The following PSG6 variants were observed in gnomAD, a reference collection of about 807,000 sequenced individuals.
PSG6 encodes the protein pregnancy specific beta-1-glycoprotein 6.
Under a neutral mutation model 43.3 loss-of-function variants are expected in PSG6, and 51 were observed. The observed-to-expected ratio is 1.18, with a 90% CI of 0.94 to 1.49. The LOEUF (loss-of-function observed/expected upper bound fraction) is 1.49, where lower values mean the gene tolerates loss of function less well. PSG6 is among the 40% of genes most tolerant of loss of function. The pLI is 0.00. For synonymous variants in PSG6, 292 were observed against 197.6 expected (o/e 1.48, Z -4.01); for missense variants, 770 against 522.2 (o/e 1.47, Z -4.62).
intron 2 of PSG6, chr19:42,915,502 A>C (rs1437979635): frequency 6.5e-6 from 1 of 154,388 alleles, no homozygotes; most frequent in African/African-American, 2.4e-5. Context: ...ATGGCCTACA[A>C]AGCTTGTCTT....
At chr19:42,902,706 A>G (rs1972053785) in intron 5 of PSG6, among the ~76,000 whole-genome samples, 1 of 151,376 alleles carries the variant, frequency 6.6e-6, no homozygotes, top group South Asian at 2.1e-4. Flanking sequence ...GGGTTCTCCC[A>G]TACTACCTTC....
intron 3 of PSG6, among the ~76,000 whole-genome samples, chr19:42,909,297 T>A (rs1253063371): frequency 6.6e-6 from 1 of 151,492 alleles, no homozygotes; most frequent in Non-Finnish European, 1.5e-5. Flanking sequence ...TTTGAAGGCT[T>A]TGGGATGTGA....
At position 42,902,170 on chromosome 19, in the gene PSG6, C is replaced by T. The variant is rs1972044774; in HGVS notation, c.*242G>A. ...AATTCTGGGGCACTCAGATAGAGAG[C>T]AAAAGCAAATGTTTCAATTTTTGTT... On this transcript the variant is annotated 3_prime_UTR_variant, in exon 6 of 6. Coordinates refer to ENST00000187910, the MANE Select transcript of PSG6 (RefSeq NM_001031850.4). 8 of 472,512 alleles carry T rather than the reference C, an allele frequency of 1.7e-5. No homozygotes were observed. In the South Asian group the frequency reaches 2.0e-4, roughly 12 times the overall value. The allele number at this position is 472,512 out of a possible 1,614,324, so 29.3% of individuals were successfully genotyped here.
intron 3 of PSG6, among the ~76,000 whole-genome samples, chr19:42,908,949 G>T (rs1281122056): frequency 6.6e-6 from 1 of 151,598 alleles, no homozygotes; most frequent in Non-Finnish European, 1.5e-5. Flanking sequence ...AGTTATACAA[G>T]TTGGAGAGGT....
intron 1 of PSG6, among the ~76,000 whole-genome samples, chr19:42,916,959 G>C (rs1393782700): frequency 1.3e-5 from 2 of 151,428 alleles, no homozygotes; most frequent in East Asian, 1.9e-4. Context: ...CTCCCCATGA[G>C]AGTGTGAGCT....
rs568395854 is a variant in PSG6 at position 42,902,182 on chromosome 19, T to A, written c.*230A>T. 3.9e-6 allele frequency: 2 copies of A among 516,846 alleles called. No individual in the cohort carries two copies. Among genetic ancestry groups the A allele is most frequent in the South Asian group, 5.6e-5 (2 of 35,502 alleles). The allele number at this position is 516,846 out of a possible 1,614,324, so 32.0% of individuals were successfully genotyped here. Reference sequence around the variant, plus strand: ...CTCAGATAGAGAGCAAAAGCAAATGTTTCAATTTTTGTTTACAAAAGTATA... The same window carrying A: ...CTCAGATAGAGAGCAAAAGCAAATGATTCAATTTTTGTTTACAAAAGTATA... On this transcript the variant is annotated 3_prime_UTR_variant, in exon 6 of 6. Coordinates refer to ENST00000187910, the MANE Select transcript of PSG6 (RefSeq NM_001031850.4).
Position 42,902,346 on chromosome 19 carries a change from C to G in PSG6, c.*66G>C. On this transcript the variant is annotated 3_prime_UTR_variant, in exon 6 of 6. Coordinates refer to ENST00000187910, the MANE Select transcript of PSG6 (RefSeq NM_001031850.4). ...TCCAATAACATTGAGTTTTTTTCTT[C>G]TTTGTCTTGAATTTCATGAAGGTAT... 4 of 1,565,870 alleles carry G rather than the reference C, an allele frequency of 2.6e-6. No homozygotes were observed. The highest frequency in any genetic ancestry group is 2.4e-5 in the South Asian group (2 of 84,470).
chr19:42,908,297 A>G (rs1449601196), intron 3 of PSG6, among the ~76,000 whole-genome samples: 2 of 151,680 alleles, frequency 1.3e-5, no homozygotes, highest in Non-Finnish European at 2.9e-5. Flanking sequence ...GATGAGTAAT[A>G]ATGGGACTTC....
chr19:42,906,558 A>C, intron 5 of PSG6: 2 of 1,302,892 alleles, frequency 1.5e-6, no homozygotes, highest in Non-Finnish European at 1.0e-6. Context: ...AGCTCATGGA[A>C]TAGGTACAAG....
chr19:42,902,563 C>T, intron 5 of PSG6, 117 bp from the exon 6 acceptor site: 1 of 1,371,338 alleles, frequency 7.3e-7, no homozygotes, highest in South Asian at 1.4e-5. Flanking sequence ...TTCTCCGAGG[C>T]TCTCTTTAAC....
At chr19:42,903,157 G>T (rs1364430833) in intron 5 of PSG6, among the ~76,000 whole-genome samples, 2 of 151,652 alleles carry the variant, frequency 1.3e-5, no homozygotes, top group Non-Finnish European at 2.9e-5. Flanking sequence ...AATGATGATG[G>T]TAGTAATATA....
At chr19:42,906,731 C>G in intron 5 of PSG6, 191 bp downstream of exon 5, 1 of 1,530,972 alleles carries the variant, frequency 6.5e-7, no homozygotes, top group African/African-American at 1.4e-5. Flanking sequence ...CAAGGTCAGC[C>G]ATGAGAAAAC....
At chr19:42,912,323 C>A (rs992353151) in intron 2 of PSG6, among the ~76,000 whole-genome samples, 1 of 151,554 alleles carries the variant, frequency 6.6e-6, no homozygotes, top group Admixed American at 6.6e-5. Flanking sequence ...TTGGAGGAAA[C>A]CTTAAAATGT....
At chr19:42,915,198 C>T (rs530510807) in intron 2 of PSG6, 1 of 151,620 alleles carries the variant, frequency 6.6e-6, no homozygotes, top group East Asian at 1.9e-4. Flanking sequence ...ACTGTGCCTT[C>T]CTGTGCCTCA....
intron 5 of PSG6, among the ~76,000 whole-genome samples, chr19:42,904,593 A>T (rs1201342538): frequency 1.3e-5 from 2 of 151,650 alleles, no homozygotes; most frequent in Non-Finnish European, 2.9e-5. Context: ...AAAGAGGTGA[A>T]ATGATTATAC....
chr19:42,905,178 A>G (rs1027198812), intron 5 of PSG6, among the ~76,000 whole-genome samples: 61 of 151,752 alleles, frequency 4.0e-4, no homozygotes, highest in African/African-American at 1.5e-3. Flanking sequence ...TACAACTCTT[A>G]GAAGAAAAAC....
intron 5 of PSG6, among the ~76,000 whole-genome samples, chr19:42,902,782 C>A (rs773437187): frequency 2.6e-5 from 4 of 151,482 alleles, no homozygotes; most frequent in Non-Finnish European, 4.4e-5. Flanking sequence ...CTAATCCCAT[C>A]TTGGATGCAT....
intron 5 of PSG6, among the ~76,000 whole-genome samples, chr19:42,902,720 C>T (rs1365796527): frequency 6.6e-6 from 1 of 151,410 alleles, no homozygotes; most frequent in Non-Finnish European, 1.5e-5. Context: ...TACCTTCATG[C>T]CTGCCCCACA....
In PSG6 at chr19:42,916,451, G is replaced by A. The variant is rs1176036306; in HGVS notation, c.101C>T (p.Ala34Val). The A allele has an allele frequency of 5.0e-6, 8 of 1,611,590 alleles. No individual in the cohort carries two copies. The highest frequency in any genetic ancestry group is 6.8e-6 in the Non-Finnish European group (8 of 1,178,912). ...LLNFWNLPTT[A>V]QVIIEAKPPK... is the part of the protein sequence containing the mutation. The stretch of plus-strand genomic sequence containing the variant: ...TGGCTTGGCTTCAATTATTACTTGG[G>A]CAGTGGTGGGCAGGTTCCAGAAGTT... The change falls in exon 2 of 6, where the codon GCC (alanine) becomes GTC (valine). Residue 34 changes from alanine (A) to valine (V), a missense_variant. By Grantham distance (64) the Ala-to-Val change is moderately conservative (BLOSUM62 0). Transcript: ENST00000187910.
Sources: allele counts gnomAD v4.1 joint callset (sites outside exome capture counted in the v4.1 genomes callset), GRCh38; gene constraint gnomAD v4.1.1; transcripts MANE v1.5; gene names NCBI Gene and HGNC (gene_info 2026-07-23, HGNC 2026-07-21).